The following EDIL3 variants were observed in gnomAD, a reference collection of about 807,000 sequenced individuals.
EDIL3 encodes the protein EGF-like repeat and discoidin I-like domain-containing protein 3.
EDIL3 carries 37 observed loss-of-function variants against 67.4 expected under a neutral mutation model. That is an observed-to-expected ratio of 0.55 (90% CI 0.42 to 0.72). EDIL3 has a LOEUF of 0.72. Among genes scored for constraint, EDIL3 ranks in the 30% least tolerant of loss-of-function variants. The pLI is 0.00. For synonymous variants in EDIL3, 195 were observed against 196.3 expected, an observed-to-expected ratio of 0.99 and a Z score of 0.05; for missense variants, 527 against 586.3, an observed-to-expected ratio of 0.90 and a Z score of 1.04.
chr5:84,016,207 T>C (rs1475210768), intron 9 of EDIL3, among the ~76,000 whole-genome samples: 1 of 152,206 alleles, frequency 6.6e-6, no homozygotes, highest in East Asian at 1.9e-4. Context: ...TGTTTTATTA[T>C]ATTGTGTGTT....
intron 4 of EDIL3, among the ~76,000 whole-genome samples, chr5:84,162,457 A>G (rs547536779): frequency 6.6e-6 from 1 of 152,244 alleles, no homozygotes; most frequent in Admixed American, 6.5e-5. Flanking sequence ...ATGAGATGAA[A>G]TCCTTGATGG....
At chr5:84,202,744 T>C (rs1743870495) in intron 3 of EDIL3, among the ~76,000 whole-genome samples, 1 of 152,098 alleles carries the variant, frequency 6.6e-6, no homozygotes, top group South Asian at 2.1e-4. Context: ...AAGTCTGAAA[T>C]TCAAAAGAGA....
At chr5:84,189,167 G>C (rs1449707622) in intron 3 of EDIL3, among the ~76,000 whole-genome samples, 1 of 152,092 alleles carries the variant, frequency 6.6e-6, no homozygotes, top group South Asian at 2.1e-4. Context: ...AGTAGTGGTG[G>C]ATAAGCTTTG....
chr5:84,171,264 A>C (rs1748806728), intron 4 of EDIL3, among the ~76,000 whole-genome samples: 1 of 152,224 alleles, frequency 6.6e-6, no homozygotes, highest in East Asian at 1.9e-4. Flanking sequence ...GTTAATCTAA[A>C]GTAGCAATTT....
At chr5:84,052,065 T>C (rs1266497534) in intron 9 of EDIL3, among the ~76,000 whole-genome samples, 9 of 152,142 alleles carry the variant, frequency 5.9e-5, no homozygotes, top group Non-Finnish European at 7.3e-5. Context: ...GAGAGAAAGG[T>C]GGGGTTACCC....
intron 1 of EDIL3, among the ~76,000 whole-genome samples, chr5:84,375,123 C>T (rs1047113991): frequency 6.6e-6 from 1 of 151,990 alleles, no homozygotes; most frequent in African/African-American, 2.4e-5. Flanking sequence ...AGGCACACAC[C>T]ACCACGCCCA....
At chr5:84,218,566 T>C (rs1197953987) in intron 3 of EDIL3, among the ~76,000 whole-genome samples, 1 of 152,168 alleles carries the variant, frequency 6.6e-6, no homozygotes, top group Non-Finnish European at 1.5e-5. Flanking sequence ...TCAGCTTAGG[T>C]AGCAGCTCAG....
intron 4 of EDIL3, among the ~76,000 whole-genome samples, chr5:84,138,239 A>C (rs1237459902): frequency 6.6e-6 from 1 of 152,136 alleles, no homozygotes; most frequent in Non-Finnish European, 1.5e-5. Context: ...TGAGCTCCCT[A>C]TCTGCTTTCA....
chr5:84,300,365 T>G (rs965684130), intron 1 of EDIL3, among the ~76,000 whole-genome samples: 4 of 152,198 alleles, frequency 2.6e-5, no homozygotes, highest in African/African-American at 9.7e-5. Flanking sequence ...TAGGATGGTC[T>G]TCTTATCTCA....
In EDIL3 at chr5:84,341,195, A is replaced by G. The variant is rs112214802; in HGVS notation, c.67+43113T>C. Among the ~76,000 whole-genome samples, 202 of 152,178 alleles carry G rather than the reference A, an allele frequency of 1.3e-3. 2 individuals are homozygous for G. Among genetic ancestry groups the G allele is most frequent in the African/African-American group, 4.6e-3 (189 of 41,516 alleles). On this transcript the variant is annotated intron_variant, in intron 1 of 10. Transcript: ENST00000296591. ...CATAAATAGGCTCTCACAAATATTTATGGAGTGATATACACTGACCTTTTA... is the reference window on the plus strand; with the variant it reads ...CATAAATAGGCTCTCACAAATATTTGTGGAGTGATATACACTGACCTTTTA...
chr5:84,238,665 GT>G (rs3046880), intron 2 of EDIL3, among the ~76,000 whole-genome samples: 23,027 of 100,794 alleles, frequency 0.23, 2,113 homozygotes, highest in Middle Eastern at 0.27. Context: ...AAAATTAAAT[GT>G]TTTTTTTTTT....
intron 9 of EDIL3, among the ~76,000 whole-genome samples, chr5:83,990,605 G>A (rs1322335948): frequency 6.6e-6 from 1 of 152,020 alleles, no homozygotes; most frequent in South Asian, 2.1e-4. Flanking sequence ...GGTTGGCCGG[G>A]CACGGTGGCT....
At position 84,281,855 on chromosome 5, in the gene EDIL3, CTTTTTTTTTTTT is replaced by C. The variant is rs10708663; in HGVS notation, c.68-27655_68-27644del. ...TTCAGCATATTCAACTTTTATTTCA[CTTTTTTTTTTTT>C]TTTTTTTTTTTTTGAGGTGGAGTCT... On this transcript the variant is annotated intron_variant, in intron 1 of 10. Coordinates refer to ENST00000296591, the MANE Select transcript of EDIL3 (RefSeq NM_005711.5). Among the ~76,000 whole-genome samples the C allele has an allele frequency of 4.0e-4, 29 of 72,584 alleles. No homozygotes were observed. The East Asian group carries it at 9.5e-3, about 24-fold the overall frequency. The allele number at this position is 72,584 out of a possible 152,430, so 47.6% of individuals were successfully genotyped here.
At position 83,972,992 on chromosome 5, in the gene EDIL3, A is replaced by G. The variant is rs191715311; in HGVS notation, c.1138-9632T>C. Among the ~76,000 whole-genome samples the G allele has an allele frequency of 1.5e-3, 231 of 152,202 alleles. 2 individuals are homozygous for G. Among genetic ancestry groups the G allele is most frequent in the African/African-American group, 5.3e-3 (220 of 41,570 alleles). On this transcript the variant is annotated intron_variant, in intron 9 of 10. Transcript: ENST00000296591. The stretch of plus-strand genomic sequence containing the variant: ...AGGCTAATTATCCAATTTCTTCAAG[A>G]CCTGTGTCAGAGAGATTAAAGCATA...
intron 3 of EDIL3, among the ~76,000 whole-genome samples, chr5:84,225,915 C>T (rs1162811942): frequency 2.0e-5 from 3 of 151,598 alleles, no homozygotes; most frequent in African/African-American, 4.8e-5. Flanking sequence ...AAAATTCATA[C>T]ATTAACAACT....
At chr5:84,182,248 G>A (rs1185898149) in intron 3 of EDIL3, among the ~76,000 whole-genome samples, 1 of 148,698 alleles carries the variant, frequency 6.7e-6, no homozygotes, top group Non-Finnish European at 1.5e-5. Context: ...GCAACATGGT[G>A]AAACTCCACT....
intron 1 of EDIL3, among the ~76,000 whole-genome samples, chr5:84,283,237 C>T (rs1282324004): frequency 1.3e-5 from 2 of 152,040 alleles, no homozygotes; most frequent in Non-Finnish European, 2.9e-5. Flanking sequence ...TAATAGATGG[C>T]TGTTGATGAT....
chr5:84,229,131 C>T (rs1042035286), intron 3 of EDIL3, among the ~76,000 whole-genome samples: 9 of 152,002 alleles, frequency 5.9e-5, no homozygotes, highest in Admixed American at 3.9e-4. Context: ...TTTTTCTTCC[C>T]ATTATATTCT....
chr5:84,173,532 A>G (rs1220630315), intron 4 of EDIL3, among the ~76,000 whole-genome samples: 1 of 151,856 alleles, frequency 6.6e-6, no homozygotes, highest in Non-Finnish European at 1.5e-5. Context: ...GGACGACCCC[A>G]CTGTAGAATT....
Sources: gnomAD v4.1 joint callset for allele counts (sites outside exome capture counted in the v4.1 genomes callset) on GRCh38, gnomAD v4.1.1 for gene constraint, MANE v1.5 for transcripts, NCBI Gene and HGNC (gene_info 2026-07-23, HGNC 2026-07-21) for gene names.